Variants in PPL observed in about 807,000 individuals in gnomAD.
PPL encodes the protein periplakin.
A neutral mutation model predicts 194.4 loss-of-function variants in PPL; 198 were observed. That is an observed-to-expected ratio of 1.02 (90% CI 0.91 to 1.15). The LOEUF (loss-of-function observed/expected upper bound fraction) is 1.15. PPL is among the 50% of genes most tolerant of loss of function. The pLI, the probability that PPL is intolerant of heterozygous loss-of-function variation, is 0.00. For synonymous variants in PPL, 1,220 were observed against 972.4 expected, an observed-to-expected ratio of 1.25 and a Z score of -4.74; for missense variants, 2,885 against 2,294.8, an observed-to-expected ratio of 1.26 and a Z score of -5.25.
Position 4,885,984 on chromosome 16 carries a change from C to T in PPL, c.2671G>A (p.Glu891Lys), listed in dbSNP as rs35869286. The change falls in exon 22 of 22, where the codon GAG becomes AAG. Residue 891 changes from glutamate (E) to lysine (K), a missense_variant. Transcript: ENST00000345988. The surrounding 1 kb of genome is among the most constrained non-coding windows in gnomAD (Gnocchi z 6.3). ...QRNRPDSGVE[E>K]AWKIRKELDE... ...AGTTCCTTCCTGATCTTCCACGCCT[C>T]CTCCACTCCAGAGTCCGGCCTATTC... 6.8e-6 allele frequency: 11 copies of T among 1,613,950 alleles called. No individual in the cohort carries two copies. In the East Asian group the frequency reaches 1.8e-4, roughly 26 times the overall value.
Position 4,885,107 on chromosome 16 carries a change from T to C in PPL, c.3548A>G (p.Lys1183Arg). The change falls in exon 22 of 22, where the codon AAG (lysine) becomes AGG (arginine). Residue 1183 changes from lysine to arginine, a missense_variant. Coordinates refer to ENST00000345988, the MANE Select transcript of PPL (RefSeq NM_002705.5). The surrounding 1 kb of genome is among the most constrained non-coding windows in gnomAD (Gnocchi z 6.3). ...KVREIVRPDP[K>R]AESEVANLRL... ...GAGGTTCGCCACTTCACTTTCCGCC[T>C]TGGGGTCTGGCCGCACGATCTCCCG... The C allele has an allele frequency of 1.2e-6, 2 of 1,613,906 alleles. No individual in the cohort carries two copies. The highest frequency in any genetic ancestry group is 2.2e-5 in the South Asian group (2 of 91,082).
Position 4,893,334 on chromosome 16 carries a change from C to T in PPL, c.1529G>A (p.Gly510Asp), listed in dbSNP as rs1421030157. 3 of 1,608,314 alleles carry T rather than the reference C, an allele frequency of 1.9e-6. No individual in the cohort carries two copies. In the African/African-American group the frequency reaches 4.0e-5, roughly 21 times the overall value. ...SDLQGRQLLA[G>D]LDKVASDLDR... ...CAGGTCGCTGGCCACCTTGTCCAAG[C>T]CAGCCAGCAGCTGCCGCCCCTGTAG... Residue 510 changes from glycine (G) to aspartate (D), a missense_variant, in exon 14 of 22, where the codon GGC becomes GAC. By Grantham distance (94) the Gly-to-Asp change is moderately conservative. Coordinates refer to ENST00000345988, the MANE Select transcript of PPL (RefSeq NM_002705.5).
At chr16:4,903,661 G>C (rs889727798) in intron 3 of PPL, among the ~76,000 whole-genome samples, 1 of 151,650 alleles carries the variant, frequency 6.6e-6, no homozygotes, top group Non-Finnish European at 1.5e-5. Flanking sequence ...CAGAGATTGC[G>C]CTGAGCCAAG....
At chr16:4,898,023 T>C (rs1262794612) in intron 8 of PPL, among the ~76,000 whole-genome samples, 1 of 152,180 alleles carries the variant, frequency 6.6e-6, no homozygotes, top group African/African-American at 2.4e-5. Flanking sequence ...AAGTGGGGGC[T>C]GTGGTGCCTT....
At chr16:4,922,954 T>C (rs183017843) in intron 1 of PPL, among the ~76,000 whole-genome samples, 9 of 152,242 alleles carry the variant, frequency 5.9e-5, no homozygotes, top group African/African-American at 2.2e-4. Context: ...GGACAGGAGA[T>C]CCTGCGTCCC....
chr16:4,885,578 G>A lies in PPL; in HGVS notation c.3077C>T (p.Ala1026Val), dbSNP rs2088202295. 1.9e-6 allele frequency: 3 copies of A among 1,611,186 alleles called. No homozygotes were observed. The highest frequency in any genetic ancestry group is 8.5e-7 in the Non-Finnish European group (1 of 1,179,896). The change falls in exon 22 of 22, where the codon GCC becomes GTC. Residue 1026 changes from alanine to valine, a missense_variant. Ala to Val is a moderately conservative substitution (Grantham distance 64). Transcript: ENST00000345988. The surrounding 1 kb of genome is among the most constrained non-coding windows in gnomAD (Gnocchi z 6.3). ...CAGGAGGAGCACCTCTGCCTCCCGGGCGCCCTTCTGCCGCCTCAGTGCCTC... is the reference window on the plus strand; with the variant it reads ...CAGGAGGAGCACCTCTGCCTCCCGGACGCCCTTCTGCCGCCTCAGTGCCTC... ...ELEALRRQKGAREAEVLLLQQ... is the reference protein window; with the variant it reads ...ELEALRRQKGVREAEVLLLQQ...
intron 1 of PPL, among the ~76,000 whole-genome samples, chr16:4,930,432 C>T (rs755615230): frequency 1.7e-4 from 26 of 152,226 alleles, no homozygotes; most frequent in Non-Finnish European, 2.9e-4. Flanking sequence ...TCATCCCCAC[C>T]TCCGGGCTCT....
intron 2 of PPL, among the ~76,000 whole-genome samples, chr16:4,906,725 A>G (rs2088692368): frequency 6.6e-6 from 1 of 152,244 alleles, no homozygotes; most frequent in Non-Finnish European, 1.5e-5. Flanking sequence ...TCGAAAGTTC[A>G]AAGTCGGGCA....
Position 4,895,163 on chromosome 16 carries a change from G to C in PPL, c.1242+98C>G, listed in dbSNP as rs971272195. 45 of 1,404,426 alleles carry C rather than the reference G, an allele frequency of 3.2e-5. No individual in the cohort carries two copies. In the African/African-American group the frequency reaches 6.1e-4, roughly 19 times the overall value. 87.0% of individuals were successfully genotyped at this position (1,404,426 alleles called of 1,614,324 possible). A position where few individuals can be genotyped will look rare whatever the true frequency, so the allele number is the denominator to read the frequency against. On this transcript the variant is annotated intron_variant, in intron 11 of 21. Coordinates refer to ENST00000345988, the MANE Select transcript of PPL (RefSeq NM_002705.5). ...CAGAGTGACACCAACCACGGAGACA[G>C]GCACAGGCTCCTGAGAACGGCGCCT...
intron 19 of PPL, among the ~76,000 whole-genome samples, chr16:4,888,483 C>T (rs2088254902): frequency 6.6e-6 from 1 of 152,214 alleles, no homozygotes; most frequent in African/African-American, 2.4e-5. Flanking sequence ...AGCCTTTCTA[C>T]ATGCCTAGAG....
rs148928062 is a variant in PPL at position 4,883,758 on chromosome 16, T to C, written c.4897A>G (p.Ile1633Val). The C allele has an allele frequency of 6.2e-6, 10 of 1,613,942 alleles. No homozygotes were observed. Among genetic ancestry groups the C allele is most frequent in the East Asian group, 2.2e-5 (1 of 44,888 alleles). The change falls in exon 22 of 22, where the codon ATC (isoleucine) becomes GTC (valine). Residue 1633 changes from isoleucine (I) to valine (V), a missense_variant. Coordinates refer to ENST00000345988, the MANE Select transcript of PPL (RefSeq NM_002705.5). This position sits in a 1 kb window ranked among gnomAD's most constrained non-coding sequence, Gnocchi z 4.8. ...KRLSKDKDLE[I>V]DELQKRLGSV... ...CCCAGGCGCTTCTGCAGCTCGTCGA[T>C]CTCGAGGTCTTTGTCCTTGGAGAGC...
chr16:4,923,814 G>T (rs1238785943), intron 1 of PPL, among the ~76,000 whole-genome samples: 1 of 152,062 alleles, frequency 6.6e-6, no homozygotes, highest in East Asian at 1.9e-4. Context: ...TTTGGGTGTG[G>T]CCGCACCATG....
At position 4,900,862 on chromosome 16, in the gene PPL, T is replaced by C. The variant is rs1335477991; in HGVS notation, c.574A>G (p.Ser192Gly). 2 of 1,614,030 alleles carry C rather than the reference T, an allele frequency of 1.2e-6. No individual in the cohort carries two copies. Among genetic ancestry groups the C allele is most frequent in the Non-Finnish European group, 1.7e-6 (2 of 1,180,042 alleles). The change falls in exon 6 of 22, where the codon AGC (serine) becomes GGC (glycine). Residue 192 changes from serine (S) to glycine (G), a missense_variant. Coordinates refer to ENST00000345988, the MANE Select transcript of PPL (RefSeq NM_002705.5). ...TTCTGGTACTTGGCCCGGAGTTCGC[T>C]GTTCTGCTCCTGAGGACAGAGCCGA... ...LAKDGDKEQN[S>G]ELRAKYQKLL...
At position 4,893,643 on chromosome 16, in the gene PPL, G is replaced by A. The variant is rs199687293; in HGVS notation, c.1395-5C>T. On this transcript the variant is annotated splice_region_variant and splice_polypyrimidine_tract_variant and intron_variant, in intron 12 of 21. Coordinates refer to ENST00000345988, the MANE Select transcript of PPL (RefSeq NM_002705.5). ...CTCCGGTACTGGCTGCCCAGGCTGT[G>A]AGGACAGAAATGAGCTGGGAACCTG... 4.0e-5 allele frequency: 63 copies of A among 1,579,872 alleles called. No homozygotes were observed. In the East Asian group the frequency reaches 1.4e-3, roughly 36 times the overall value.
rs549852586 is a variant in PPL at position 4,893,274 on chromosome 16, C to A, written c.1589G>T (p.Arg530Leu). 1.9e-6 allele frequency: 3 copies of A among 1,599,722 alleles called. No individual in the cohort carries two copies. Among genetic ancestry groups the A allele is most frequent in the Admixed American group, 3.4e-5 (2 of 59,004 alleles). ...AGCCCGGCCTTGCTCCAGTGGTGGC[C>A]GCAGGATCCCTGTGATGGCCTTCTC... ...RQEKAITGIL[R>L]PPLEQGRAVQ... The change falls in exon 14 of 22, where the codon CGG becomes CTG. Residue 530 changes from arginine to leucine, a missense_variant. Coordinates refer to ENST00000345988, the MANE Select transcript of PPL (RefSeq NM_002705.5).
intron 1 of PPL, among the ~76,000 whole-genome samples, chr16:4,916,617 T>C (rs1051397509): frequency 6.6e-6 from 1 of 151,960 alleles, no homozygotes; most frequent in Non-Finnish European, 1.5e-5. Context: ...GCAATCTTTG[T>C]ACCTCAGCCT....
At chr16:4,936,042 C>G (rs753536497) in intron 1 of PPL, among the ~76,000 whole-genome samples, 28 of 152,120 alleles carry the variant, frequency 1.8e-4, no homozygotes, top group Non-Finnish European at 3.5e-4. Context: ...CCCCCTCCGT[C>G]AATCTCAGCA....
Position 4,884,121 on chromosome 16 carries a change from T to A in PPL, c.4534A>T (p.Thr1512Ser). The change falls in exon 22 of 22, where the codon ACC becomes TCC. Residue 1512 changes from threonine (T) to serine (S), a missense_variant. Coordinates refer to ENST00000345988, the MANE Select transcript of PPL (RefSeq NM_002705.5). The surrounding 1 kb of genome is among the most constrained non-coding windows in gnomAD (Gnocchi z 5.7). The part of the protein sequence containing the change: ...SESVQVEKGD[T>S]EQEIQRLKSS... The stretch of plus-strand genomic sequence containing the variant: ...TTGAGCCTCTGGATCTCTTGCTCGG[T>A]GTCGCCCTTCTCCACCTGGACACTC... 6.2e-7 allele frequency: 1 copy of A among 1,613,598 alleles called. No homozygotes were observed. Among genetic ancestry groups the A allele is most frequent in the East Asian group, 2.2e-5 (1 of 44,876 alleles).
chr16:4,922,225 G>C (rs147503284), intron 1 of PPL, among the ~76,000 whole-genome samples: 2 of 152,160 alleles, frequency 1.3e-5, no homozygotes, highest in Non-Finnish European at 2.9e-5. Flanking sequence ...TGTAAAATGA[G>C]AGTCATCACA....
Sources: gnomAD v4.1 joint callset for allele counts (sites outside exome capture counted in the v4.1 genomes callset) on GRCh38, gnomAD v4.1.1 for gene constraint, Gnocchi (gnomAD v3.1) non-coding constraint, MANE v1.5 for transcripts, NCBI Gene and HGNC (gene_info 2026-07-23, HGNC 2026-07-21) for gene names.